The following TOX variants were observed in gnomAD, a reference collection of about 807,000 sequenced individuals.
The protein encoded by TOX is thymocyte selection associated high mobility group box.
A neutral mutation model predicts 53.7 loss-of-function variants in TOX; 11 were observed. The observed-to-expected ratio is 0.20, with a 90% CI of 0.13 to 0.34. TOX has a LOEUF of 0.34. Ranked by LOEUF, TOX falls within the 10% of genes least tolerant of loss-of-function variation. TOX has a pLI of 1.00. For synonymous variants in TOX, 225 were observed against 245.3 expected (o/e 0.92, Z 0.77); for missense variants, 570 against 664.6 (o/e 0.86, Z 1.56).
At chr8:58,928,513 CAGAA>C (rs150707343) in intron 3 of TOX, among the ~76,000 whole-genome samples, 25,758 of 151,972 alleles carry the variant, frequency 0.17, 2,787 homozygotes, top group Non-Finnish European at 0.22. Flanking sequence ...CGTAGAGAGA[CAGAA>C]AGAAAGATAC....
At chr8:59,031,334 G>A (rs1224302535) in intron 1 of TOX, among the ~76,000 whole-genome samples, 1 of 152,186 alleles carries the variant, frequency 6.6e-6, no homozygotes, top group African/African-American at 2.4e-5. Flanking sequence ...TCATCCCAGT[G>A]CCCATTGCAG....
At chr8:58,862,918 A>G (rs1307054534) in intron 3 of TOX, among the ~76,000 whole-genome samples, 1 of 152,154 alleles carries the variant, frequency 6.6e-6, no homozygotes, top group Non-Finnish European at 1.5e-5. Flanking sequence ...TTGAACAAAT[A>G]TCTTCCATTT....
At chr8:58,883,671 G>C (rs2875869) in intron 3 of TOX, among the ~76,000 whole-genome samples, 21,920 of 151,732 alleles carry the variant, frequency 0.14, 1,724 homozygotes, top group South Asian at 0.21. Flanking sequence ...CTTTATCTGG[G>C]TAAGTGGACA....
At chr8:58,972,230 T>C (rs886638648) in intron 1 of TOX, among the ~76,000 whole-genome samples, 1 of 152,206 alleles carries the variant, frequency 6.6e-6, no homozygotes, top group Non-Finnish European at 1.5e-5. Context: ...TCTTGCAATG[T>C]TTTTATTTGG....
chr8:59,047,189 T>A (rs1480873947), intron 1 of TOX, among the ~76,000 whole-genome samples: 1 of 142,698 alleles, frequency 7.0e-6, no homozygotes, highest in African/African-American at 2.6e-5. Flanking sequence ...TATTGAACAA[T>A]TCCACCAAGA....
chr8:58,941,508 A>G (rs1812439447), intron 2 of TOX, among the ~76,000 whole-genome samples: 1 of 152,250 alleles, frequency 6.6e-6, no homozygotes, highest in African/African-American at 2.4e-5. Flanking sequence ...CTATTTATAA[A>G]GTAGTTTAAT....
At chr8:59,071,566 T>G (rs1475172102) in intron 1 of TOX, among the ~76,000 whole-genome samples, 1 of 152,206 alleles carries the variant, frequency 6.6e-6, no homozygotes, top group African/African-American at 2.4e-5. Flanking sequence ...AGATTAAAAC[T>G]CATTAATTTT....
intron 3 of TOX, among the ~76,000 whole-genome samples, chr8:58,890,686 G>T (rs886139482): frequency 2.6e-5 from 4 of 152,042 alleles, no homozygotes; most frequent in Non-Finnish European, 4.4e-5. Context: ...GGAGATACTT[G>T]GTGTAGTGAA....
At chr8:58,936,089 C>T (rs541160928) in intron 3 of TOX, among the ~76,000 whole-genome samples, 1 of 152,156 alleles carries the variant, frequency 6.6e-6, no homozygotes, top group Admixed American at 6.5e-5. Context: ...ACACTGCTTT[C>T]GTAATACTTT....
At chr8:59,010,419 A>G (rs768712995) in intron 1 of TOX, among the ~76,000 whole-genome samples, 3 of 152,256 alleles carry the variant, frequency 2.0e-5, no homozygotes, top group Non-Finnish European at 2.9e-5. Flanking sequence ...ACAAGATCAT[A>G]TTAGAATATT....
intron 1 of TOX, among the ~76,000 whole-genome samples, chr8:59,025,555 A>C (rs905935777): frequency 2.6e-5 from 4 of 152,094 alleles, no homozygotes; most frequent in Non-Finnish European, 4.4e-5. Flanking sequence ...CTCTATAGCC[A>C]TTCTAACCTG....
At chr8:58,872,377 T>G (rs1811213405) in intron 3 of TOX, among the ~76,000 whole-genome samples, 1 of 152,080 alleles carries the variant, frequency 6.6e-6, no homozygotes. Context: ...GTTGTACACC[T>G]TCAGAAGGGG....
At chr8:59,026,122 G>GTTTT (rs5891707) in intron 1 of TOX, among the ~76,000 whole-genome samples, 1 of 150,540 alleles carries the variant, frequency 6.6e-6, no homozygotes, top group Non-Finnish European at 1.5e-5. Context: ...TTAATTTTAT[G>GTTTT]TTTTTTTTTT....
intron 1 of TOX, among the ~76,000 whole-genome samples, chr8:59,077,212 C>T (rs1457189327): frequency 1.3e-5 from 2 of 152,156 alleles, no homozygotes; most frequent in African/African-American, 4.8e-5. Flanking sequence ...CAAATGTTTC[C>T]CCTGTAAGTT....
Position 59,118,904 on chromosome 8 carries a change from G to T in TOX, c.84C>A (p.Asp28Glu). 1.3e-6 allele frequency: 2 copies of T among 1,594,510 alleles called. No homozygotes were observed. Among genetic ancestry groups the T allele is most frequent in the Non-Finnish European group, 1.7e-6 (2 of 1,170,200 alleles). Residue 28 changes from aspartate (D) to glutamate (E), a missense_variant, in exon 1 of 9, where the codon GAC becomes GAA. By Grantham distance (45) the Asp-to-Glu change is conservative. Coordinates refer to ENST00000361421, the MANE Select transcript of TOX (RefSeq NM_014729.3). The surrounding 1 kb of genome is among the most constrained non-coding windows in gnomAD (Gnocchi z 4.1). ...CGTTCACCTTGTTGCAATAGTAGGG[G>T]TCCAGGCAGGGAGAAGGTCCCAGAC... The part of the protein sequence containing the change: ...APCLGPSPCL[D>E]PYYCNKFDGE...
At chr8:59,046,759 G>T (rs1195480737) in intron 1 of TOX, among the ~76,000 whole-genome samples, 1 of 149,426 alleles carries the variant, frequency 6.7e-6, no homozygotes, top group African/African-American at 2.5e-5. Context: ...TTGGGAGGCT[G>T]AGGCATGAGA....
chr8:59,113,869 A>G (rs1805060653), intron 1 of TOX, among the ~76,000 whole-genome samples: 1 of 152,190 alleles, frequency 6.6e-6, no homozygotes, highest in African/African-American at 2.4e-5. Context: ...GGTCTTTTGA[A>G]GTTTCTAATG....
At chr8:58,835,714 C>A (rs1489714630) in intron 5 of TOX, among the ~76,000 whole-genome samples, 7 of 152,084 alleles carry the variant, frequency 4.6e-5, no homozygotes, top group African/African-American at 2.4e-5. Flanking sequence ...CTAGGGAGTG[C>A]CTTTGCAGAC....
chr8:58,987,057 A>C (rs1813343852), intron 1 of TOX, among the ~76,000 whole-genome samples: 1 of 152,172 alleles, frequency 6.6e-6, no homozygotes, highest in South Asian at 2.1e-4. Flanking sequence ...ACGTTTGGAG[A>C]AGTTGTGGAC....
Sources: allele counts gnomAD v4.1 joint callset (sites outside exome capture counted in the v4.1 genomes callset), GRCh38; gene constraint gnomAD v4.1.1; non-coding constraint Gnocchi (gnomAD v3.1); transcripts MANE v1.5; gene names NCBI Gene and HGNC (gene_info 2026-07-23, HGNC 2026-07-21).